The following SYT14 variants were observed in gnomAD, a reference collection of about 807,000 sequenced individuals.
SYT14 encodes synaptotagmin-14.
A neutral mutation model predicts 74.2 loss-of-function variants in SYT14; 32 were observed. The ratio of observed to expected loss-of-function variants is 0.43; its 90% CI spans 0.33 to 0.58. SYT14 has a LOEUF of 0.58. SYT14 is among the 20% of genes least tolerant of loss of function. SYT14 has a pLI of 0.05. For synonymous variants in SYT14, 298 were observed against 337.7 expected, an observed-to-expected ratio of 0.88 and a Z score of 1.29; for missense variants, 791 against 981.8, an observed-to-expected ratio of 0.81 and a Z score of 2.60.
intron 5 of SYT14, among the ~76,000 whole-genome samples, chr1:210,048,455 A>G (rs2080927081): frequency 6.6e-6 from 1 of 152,158 alleles, no homozygotes; most frequent in African/African-American, 2.4e-5. Flanking sequence ...AGACAAGACA[A>G]GAGAGCTGCT....
intron 2 of SYT14, among the ~76,000 whole-genome samples, chr1:210,008,330 A>G (rs1435303181): frequency 1.3e-5 from 2 of 151,974 alleles, no homozygotes; most frequent in Admixed American, 6.6e-5. Flanking sequence ...AATGTGTAAT[A>G]TTAAACTAAT....
At chr1:210,001,155 T>C (rs568229971) in intron 2 of SYT14, among the ~76,000 whole-genome samples, 2 of 152,328 alleles carry the variant, frequency 1.3e-5, no homozygotes, top group Admixed American at 1.3e-4. Context: ...GTTAATACTT[T>C]TGAATTGTAA....
intron 5 of SYT14, among the ~76,000 whole-genome samples, chr1:210,093,907 G>GC (rs1464942265): frequency 6.6e-6 from 1 of 152,212 alleles, no homozygotes; most frequent in Non-Finnish European, 1.5e-5. Flanking sequence ...TGAAGAACAA[G>GC]CAGAGGTATT....
chr1:209,988,328 C>G (rs562595303), intron 2 of SYT14, among the ~76,000 whole-genome samples: 1 of 152,190 alleles, frequency 6.6e-6, no homozygotes, highest in Non-Finnish European at 1.5e-5. Context: ...TTACCACATT[C>G]GATCATTCCT....
At chr1:209,995,781 A>G (rs1200201781) in intron 2 of SYT14, among the ~76,000 whole-genome samples, 2 of 152,180 alleles carry the variant, frequency 1.3e-5, no homozygotes, top group East Asian at 3.8e-4. Context: ...CATACCAGCC[A>G]TATTCTCAGA....
intron 2 of SYT14, among the ~76,000 whole-genome samples, chr1:209,973,645 A>G (rs2079299760): frequency 6.6e-6 from 1 of 152,158 alleles, no homozygotes; most frequent in Non-Finnish European, 1.5e-5. Flanking sequence ...AGTCTTTGCT[A>G]TTGTGAATAG....
At chr1:209,956,942 CT>C (rs537380076) in intron 2 of SYT14, among the ~76,000 whole-genome samples, 8 of 150,876 alleles carry the variant, frequency 5.3e-5, no homozygotes, top group African/African-American at 7.3e-5. Flanking sequence ...ACCCTACACC[CT>C]TTTTTTTTCA....
exon 1 of SYT14, chr1:209,938,227 C>G (rs2078664480): frequency 5.2e-6 from 8 of 1,525,868 alleles, no homozygotes; most frequent in Non-Finnish European, 7.1e-6. Context: ...GTCTGCTGCC[C>G]CCGCCATCCA....
exon 10 of SYT14, chr1:210,170,053 A>G (rs982510079): frequency 6.6e-6 from 1 of 151,608 alleles, no homozygotes; most frequent in Non-Finnish European, 1.5e-5. Context: ...TATTTTTCTA[A>G]TAATGGATAT....
At chr1:210,152,657 A>AG (rs1000711626) in intron 7 of SYT14, among the ~76,000 whole-genome samples, 3 of 152,192 alleles carry the variant, frequency 2.0e-5, no homozygotes, top group Non-Finnish European at 4.4e-5. Flanking sequence ...ATCCAGGTCA[A>AG]GGAATGAAAG....
At chr1:209,941,170 A>T (rs1431961200) in intron 1 of SYT14, among the ~76,000 whole-genome samples, 1 of 152,182 alleles carries the variant, frequency 6.6e-6, no homozygotes, top group Non-Finnish European at 1.5e-5. Flanking sequence ...AACCTATTTT[A>T]TAACACAAAA....
chr1:210,149,857 T>C (rs1460145304), intron 7 of SYT14, among the ~76,000 whole-genome samples: 4 of 152,060 alleles, frequency 2.6e-5, no homozygotes, highest in African/African-American at 9.7e-5. Context: ...CATCACCTGC[T>C]CCCCAGTAAT....
intron 2 of SYT14, among the ~76,000 whole-genome samples, chr1:209,978,920 C>G (rs1023660530): frequency 6.6e-6 from 1 of 152,222 alleles, no homozygotes; most frequent in Non-Finnish European, 1.5e-5. Flanking sequence ...GCCCCTCCCC[C>G]AGCCTCGCTG....
chr1:209,973,088 A>C (rs2079286975), intron 2 of SYT14, among the ~76,000 whole-genome samples: 1 of 149,984 alleles, frequency 6.7e-6, no homozygotes, highest in Non-Finnish European at 1.5e-5. Context: ...CTTTATCATT[A>C]TGTAATGCAT....
chr1:209,952,525 T>A (rs913216250), intron 1 of SYT14, among the ~76,000 whole-genome samples, 184 bp from the exon 2 acceptor site: 3 of 152,178 alleles, frequency 2.0e-5, no homozygotes, highest in Non-Finnish European at 4.4e-5. Context: ...AAGACCTAAT[T>A]TCTGGGTTGT....
chr1:209,963,482 T>C (rs2079108176), intron 2 of SYT14, among the ~76,000 whole-genome samples: 1 of 152,260 alleles, frequency 6.6e-6, no homozygotes, highest in South Asian at 2.1e-4. Context: ...ATATACTAAG[T>C]AATTTTGGCT....
chr1:210,118,403 T>A (rs937967904), intron 7 of SYT14, among the ~76,000 whole-genome samples: 1 of 152,102 alleles, frequency 6.6e-6, no homozygotes, highest in African/African-American at 2.4e-5. Flanking sequence ...TATGAAATTA[T>A]ATATATTTAA....
At chr1:210,106,010 T>G (rs1414063348) in intron 7 of SYT14, among the ~76,000 whole-genome samples, 1 of 152,212 alleles carries the variant, frequency 6.6e-6, no homozygotes, top group Non-Finnish European at 1.5e-5. Context: ...ACGTCTTTTC[T>G]TTATAAATTG....
chr1:210,094,253 A>G (rs1324458538), intron 5 of SYT14, 69 bp from the exon 5 acceptor site: 1 of 1,605,300 alleles, frequency 6.2e-7, no homozygotes, highest in Admixed American at 1.7e-5. Flanking sequence ...AGTTATTTAC[A>G]ATTATTGTAG....
Sources: allele counts gnomAD v4.1 joint callset (sites outside exome capture counted in the v4.1 genomes callset), GRCh38; gene constraint gnomAD v4.1.1; transcripts MANE v1.5; gene names NCBI Gene and HGNC (gene_info 2026-07-23, HGNC 2026-07-21).